The following SLC25A36 variants were observed in gnomAD, a reference collection of about 807,000 sequenced individuals.
SLC25A36 encodes the protein epididymis secretory sperm binding protein.
Under a neutral mutation model 35.3 loss-of-function variants are expected in SLC25A36, and 24 were observed. The ratio of observed to expected loss-of-function variants is 0.68; its 90% CI spans 0.49 to 0.96. SLC25A36 has a LOEUF of 0.96. Ranked by LOEUF, SLC25A36 falls within the 40% of genes least tolerant of loss-of-function variation. SLC25A36 has a pLI of 0.00. For synonymous variants in SLC25A36, 141 were observed against 132.2 expected (o/e 1.07, Z -0.46); for missense variants, 294 against 381.1 (o/e 0.77, Z 1.90).
intron 1 of SLC25A36, among the ~76,000 whole-genome samples, chr3:140,950,772 T>C (rs1326125431): frequency 6.6e-6 from 1 of 152,182 alleles, no homozygotes; most frequent in African/African-American, 2.4e-5. Flanking sequence ...TAGCGCATCT[T>C]GGTGTGGATT....
chr3:140,952,813 T>C (rs189776947), intron 1 of SLC25A36, among the ~76,000 whole-genome samples: 26 of 152,336 alleles, frequency 1.7e-4, no homozygotes, highest in Admixed American at 1.6e-3. Context: ...TTTGTTTTCG[T>C]TTTAATTATA....
At chr3:140,974,347 A>T (rs1426315688) in intron 6 of SLC25A36, among the ~76,000 whole-genome samples, 1 of 151,968 alleles carries the variant, frequency 6.6e-6, no homozygotes, top group Non-Finnish European at 1.5e-5. Context: ...TCTACATAAA[A>T]ATTCTCTAAA....
In SLC25A36 at chr3:140,977,029, G is replaced by T. The variant is rs763052536; in HGVS notation, c.*576G>T. On this transcript the variant is annotated 3_prime_UTR_variant, in exon 7 of 7. Coordinates refer to ENST00000324194, the MANE Select transcript of SLC25A36 (RefSeq NM_001104647.3). ...TATTTTTTAGCATCAAAATGTTTTG[G>T]TTTCCACTGCTGACAGGTGCTTGTT... The T allele has an allele frequency of 6.6e-6, 1 of 152,218 alleles. No individual in the cohort carries two copies. The highest frequency in any genetic ancestry group is 2.1e-4 in the South Asian group (1 of 4,826). The allele number at this position is 152,218 out of a possible 1,614,324, so 9.4% of individuals were successfully genotyped here.
intron 1 of SLC25A36, among the ~76,000 whole-genome samples, chr3:140,955,822 G>A (rs924091875): frequency 6.6e-6 from 1 of 152,010 alleles, no homozygotes; most frequent in South Asian, 2.1e-4. Context: ...CTCCCGAGTA[G>A]CCAGGACTAC....
chr3:140,960,215 A>G (rs555838955), intron 3 of SLC25A36, among the ~76,000 whole-genome samples: 19 of 152,286 alleles, frequency 1.2e-4, no homozygotes, highest in African/African-American at 4.6e-4. Context: ...GAAAATCTAC[A>G]CAGGGCTAAG....
At chr3:140,974,556 G>C (rs1307958466) in intron 6 of SLC25A36, among the ~76,000 whole-genome samples, 1 of 152,108 alleles carries the variant, frequency 6.6e-6, no homozygotes, top group Admixed American at 6.6e-5. Context: ...AAATAAGTAT[G>C]TGTTAATAAT....
intron 1 of SLC25A36, among the ~76,000 whole-genome samples, chr3:140,949,932 A>G: frequency 6.6e-6 from 1 of 152,240 alleles, no homozygotes; most frequent in South Asian, 2.1e-4. Flanking sequence ...TCACTGGATC[A>G]GAGGGAAGTA....
In SLC25A36 at chr3:140,976,632, A is replaced by G. The variant is rs971187314; in HGVS notation, c.*179A>G. ...CACCACATTACTTGGCCTTTCGGTA[A>G]TGTGAAAAAAAAAAAAAACCTCAGA... On this transcript the variant is annotated 3_prime_UTR_variant, in exon 7 of 7. Transcript: ENST00000324194. The G allele has an allele frequency of 4.5e-6, 1 of 221,820 alleles. No homozygotes were observed. Among genetic ancestry groups the G allele is most frequent in the African/African-American group, 7.4e-5 (1 of 13,506 alleles). 13.7% of individuals were successfully genotyped at this position (221,820 alleles called of 1,614,324 possible).
chr3:140,945,020 T>G (rs1378720701), intron 1 of SLC25A36, among the ~76,000 whole-genome samples: 1 of 152,228 alleles, frequency 6.6e-6, no homozygotes, highest in Non-Finnish European at 1.5e-5. Flanking sequence ...TTGCTCTGTT[T>G]AAGCTGCTAT....
chr3:140,948,365 G>A lies in SLC25A36; in HGVS notation c.41+6270G>A, dbSNP rs763216982. On this transcript the variant is annotated intron_variant, in intron 1 of 6. Transcript: ENST00000324194. The stretch of plus-strand genomic sequence containing the variant: ...TTTTTTTTCTTTTTTACAATTTTTA[G>A]TAGAGATGGGATTTCACTGCGTTAG... Among the ~76,000 whole-genome samples, 53 of 150,536 alleles carry A rather than the reference G, an allele frequency of 3.5e-4. 1 individual carries two copies. The highest frequency in any genetic ancestry group is 3.2e-4 in the Non-Finnish European group (22 of 67,788).
chr3:140,942,817 A>G (rs761225011), intron 1 of SLC25A36: 1 of 152,158 alleles, frequency 6.6e-6, no homozygotes, highest in Non-Finnish European at 1.5e-5. Flanking sequence ...CCCTTGGAAA[A>G]TTTCTTGCCC....
In SLC25A36 at chr3:140,947,304, C is replaced by G. The variant is rs149515027; in HGVS notation, c.41+5209C>G. 1.7e-3 allele frequency among the ~76,000 whole-genome samples: 252 copies of G among 152,196 alleles called. 3 individuals are homozygous for G. In the East Asian group the frequency reaches 0.019, roughly 12 times the overall value. ...TTTTAAGGTTTGCTGTAAAGGGTAG[C>G]AACGAAAGGGGGAAATTTACTTTTA... is the stretch of plus-strand genomic sequence containing the variant. On this transcript the variant is annotated intron_variant, in intron 1 of 6. Coordinates refer to ENST00000324194, the MANE Select transcript of SLC25A36 (RefSeq NM_001104647.3).
Position 140,980,549 on chromosome 3 carries a change from C to G in SLC25A36, c.*4096C>G, listed in dbSNP as rs552762349. ...TGGTTAAAATTGAGCACAGGTGTTC[C>G]AAGTTGTGTGTGTGTGTTTATTACT... On this transcript the variant is annotated 3_prime_UTR_variant, in exon 7 of 7. Transcript: ENST00000324194. Among the ~76,000 whole-genome samples, 73 of 151,716 alleles carry G rather than the reference C, an allele frequency of 4.8e-4. 1 individual carries two copies. The highest frequency in any genetic ancestry group is 1.2e-3 in the African/African-American group (50 of 41,072).
chr3:140,948,122 T>C (rs1292750593), intron 1 of SLC25A36, among the ~76,000 whole-genome samples: 3 of 152,048 alleles, frequency 2.0e-5, no homozygotes, highest in African/African-American at 7.2e-5. Flanking sequence ...CCCAGGTAAT[T>C]TTTTGTACTT....
intron 5 of SLC25A36, among the ~76,000 whole-genome samples, chr3:140,971,328 G>A (rs1166899970): frequency 5.9e-5 from 9 of 152,062 alleles, no homozygotes; most frequent in Admixed American, 4.6e-4. Flanking sequence ...AATTGGCCTC[G>A]CAGAAGCTAA....
At chr3:140,952,475 G>C (rs906366410) in intron 1 of SLC25A36, among the ~76,000 whole-genome samples, 1 of 152,150 alleles carries the variant, frequency 6.6e-6, no homozygotes, top group Non-Finnish European at 1.5e-5. Context: ...TTTACTTGCT[G>C]AAGTGTTTTT....
chr3:140,950,391 G>C lies in SLC25A36; in HGVS notation c.42-6136G>C, dbSNP rs139093837. ...TCAGTCTTTTTTCCTGGAGACTTTT[G>C]TCCCACTGAATTCTGTCATCCTAAT... On this transcript the variant is annotated intron_variant, in intron 1 of 6. Transcript: ENST00000324194. 4.3e-4 allele frequency among the ~76,000 whole-genome samples: 65 copies of C among 151,626 alleles called. 2 individuals carry two copies. The East Asian group carries it at 8.6e-3, about 20-fold the overall frequency.
chr3:140,965,750 T>C (rs548290973), intron 4 of SLC25A36: 84 of 151,990 alleles, frequency 5.5e-4, no homozygotes, highest in African/African-American at 1.9e-3. Context: ...TAAATAATGT[T>C]GACTCTTAAT....
At chr3:140,966,324 T>G in intron 4 of SLC25A36, 1 of 332,946 alleles carries the variant, frequency 3.0e-6, no homozygotes, top group South Asian at 2.4e-5. Flanking sequence ...TGTGTAAACA[T>G]TCTTCCTGTT....
Sources: gnomAD v4.1 joint callset for allele counts (sites outside exome capture counted in the v4.1 genomes callset) on GRCh38, gnomAD v4.1.1 for gene constraint, MANE v1.5 for transcripts, NCBI Gene and HGNC (gene_info 2026-07-23, HGNC 2026-07-21) for gene names.